The following OSBPL9 variants were observed in gnomAD, a reference collection of about 807,000 sequenced individuals.
OSBPL9 encodes the protein oxysterol-binding protein-related protein 9.
In OSBPL9, 40 loss-of-function variants were observed where a neutral mutation model predicts 106.6. That is an observed-to-expected ratio of 0.38 (90% CI 0.29 to 0.49). The LOEUF is 0.49. Among genes scored for constraint, OSBPL9 ranks in the 20% least tolerant of loss-of-function variants. The probability of loss-of-function intolerance (pLI) is 0.97; values close to 1 mark genes in which losing one functional copy is unlikely to be tolerated. For synonymous variants in OSBPL9, 269 were observed against 295.4 expected, an observed-to-expected ratio of 0.91 and a Z score of 0.92; for missense variants, 609 against 887.2, an observed-to-expected ratio of 0.69 and a Z score of 3.98.
chr1:51,558,623 T>C, the OSBPL9 span, among the ~76,000 whole-genome samples: 1,044 of 152,118 alleles, frequency 6.9e-3, 70 homozygotes, highest in South Asian at 0.15. Context: ...ACCCAACCAA[T>C]TGGCATTCCC....
chr1:51,594,371 C>T (rs545359432), intron 1 of OSBPL9, among the ~76,000 whole-genome samples: 1 of 151,916 alleles, frequency 6.6e-6, no homozygotes, highest in Non-Finnish European at 1.5e-5. Context: ...CATTGCACTC[C>T]AGCCTAGGTG....
Position 51,786,786 on chromosome 1 carries a change from G to C in OSBPL9, c.2000+169G>C, listed in dbSNP as rs867644724. Among the ~76,000 whole-genome samples the C allele has an allele frequency of 7.2e-5, 11 of 152,246 alleles. No homozygotes were observed. The South Asian group carries it at 2.3e-3, about 32-fold the overall frequency. On this transcript the variant is annotated intron_variant, in intron 22 of 23. Transcript: ENST00000428468. Reference sequence around the variant, plus strand: ...TACCACTTACTACCTTTGTGACCATGGATGGCTCAGTCAGCTAACTTCTCT... The same window carrying C: ...TACCACTTACTACCTTTGTGACCATCGATGGCTCAGTCAGCTAACTTCTCT...
chr1:51,666,776 G>A (rs1648614881), intron 2 of OSBPL9, among the ~76,000 whole-genome samples: 1 of 152,180 alleles, frequency 6.6e-6, no homozygotes. Flanking sequence ...GCCAGATTTT[G>A]AACAGCCTTG....
rs1016225744 is a variant in OSBPL9 at position 51,636,333 on chromosome 1, C to T, written c.112-15658C>T. Among the ~76,000 whole-genome samples the T allele has an allele frequency of 4.7e-5, 7 of 149,802 alleles. 1 individual carries two copies. Among genetic ancestry groups the T allele is most frequent in the African/African-American group, 1.5e-4 (6 of 40,766 alleles). On this transcript the variant is annotated intron_variant, in intron 1 of 23. Transcript: ENST00000428468. ...TTGCCACCTCTCCTGGATGCCACTTCATTCTTTTTTTTTTTTTCCCTTTGA... is the reference window on the plus strand; with the variant it reads ...TTGCCACCTCTCCTGGATGCCACTTTATTCTTTTTTTTTTTTTCCCTTTGA...
chr1:51,518,962 G>C, the OSBPL9 span, among the ~76,000 whole-genome samples: 10 of 151,292 alleles, frequency 6.6e-5, no homozygotes, highest in Non-Finnish European at 1.5e-4. Flanking sequence ...GCCGCGCGGG[G>C]CGGGGCAGGA....
At chr1:51,654,777 GA>G (rs1174066416) in intron 2 of OSBPL9, among the ~76,000 whole-genome samples, 1 of 152,048 alleles carries the variant, frequency 6.6e-6, no homozygotes, top group African/African-American at 2.4e-5. Flanking sequence ...CAACATAGAT[GA>G]ACCTTGAGGA....
At chr1:51,737,803 G>A (rs1256652427) in intron 4 of OSBPL9, among the ~76,000 whole-genome samples, 1 of 151,918 alleles carries the variant, frequency 6.6e-6, no homozygotes, top group Non-Finnish European at 1.5e-5. Flanking sequence ...AAGGCAATTT[G>A]CTGGATTCTG....
chr1:51,701,324 T>C (rs1038588535), intron 3 of OSBPL9, among the ~76,000 whole-genome samples: 11 of 152,262 alleles, frequency 7.2e-5, no homozygotes, highest in African/African-American at 2.4e-4. Flanking sequence ...ATTGGACTTG[T>C]GGATATTTAT....
At chr1:51,674,857 A>G (rs1031022449) in intron 3 of OSBPL9, among the ~76,000 whole-genome samples, 1 of 152,202 alleles carries the variant, frequency 6.6e-6, no homozygotes, top group Non-Finnish European at 1.5e-5. Flanking sequence ...TGGAAGAAGA[A>G]TTGTCTTGGG....
At chr1:51,665,015 G>A (rs1024430503) in intron 2 of OSBPL9, among the ~76,000 whole-genome samples, 1 of 152,230 alleles carries the variant, frequency 6.6e-6, no homozygotes, top group Non-Finnish European at 1.5e-5. Context: ...TCACGGCAGT[G>A]TTATCCAACA....
At chr1:51,617,754 C>T (rs966721770) in intron 1 of OSBPL9, among the ~76,000 whole-genome samples, 1 of 152,158 alleles carries the variant, frequency 6.6e-6, no homozygotes, top group Admixed American at 6.5e-5. Context: ...TCCCTCCAGT[C>T]GGTTCAGGTT....
intron 1 of OSBPL9, among the ~76,000 whole-genome samples, chr1:51,647,706 G>T (rs963298367): frequency 6.6e-6 from 1 of 151,708 alleles, no homozygotes; most frequent in African/African-American, 2.4e-5. Flanking sequence ...TTTTGTTTTT[G>T]TAAGATTGGT....
At chr1:51,525,439 A>G in the OSBPL9 span, among the ~76,000 whole-genome samples, 1 of 152,210 alleles carries the variant, frequency 6.6e-6, no homozygotes, top group Admixed American at 6.5e-5. Flanking sequence ...TTTCAGTCAA[A>G]GATTTTCAAA....
chr1:51,737,542 AGG>A lies in OSBPL9; in HGVS notation c.319-7991_319-7990del, dbSNP rs3220202. Among the ~76,000 whole-genome samples the A allele has an allele frequency of 2.1e-3, 213 of 103,070 alleles. 2 individuals carry two copies. The East Asian group carries it at 0.035, about 17-fold the overall frequency. 67.6% of individuals were successfully genotyped at this position (103,070 alleles called of 152,430 possible). A position where few individuals can be genotyped will look rare whatever the true frequency, so the allele number is the denominator to read the frequency against. On this transcript the variant is annotated intron_variant, in intron 4 of 23. Transcript: ENST00000428468. The stretch of plus-strand genomic sequence containing the variant: ...TCTTTTGTTTCATGTGTTATATTTC[AGG>A]GGTGTGTGTGTGTGTGTGTGTGTGT...
chr1:51,639,091 A>C (rs573415502), intron 1 of OSBPL9, among the ~76,000 whole-genome samples: 11 of 152,032 alleles, frequency 7.2e-5, no homozygotes, highest in African/African-American at 2.4e-4. Context: ...CCAGTAAAAA[A>C]CACATATTTT....
chr1:51,651,972 T>A lies in OSBPL9; in HGVS notation c.112-19T>A, dbSNP rs1646544842. The A allele has an allele frequency of 6.3e-7, 1 of 1,595,580 alleles. No individual in the cohort carries two copies. Among genetic ancestry groups the A allele is most frequent in the Non-Finnish European group, 8.6e-7 (1 of 1,167,252 alleles). On this transcript the variant is annotated intron_variant, in intron 1 of 23. Transcript: ENST00000428468. ...GTCTGTTAATGTTTTATTCATTGAA[T>A]GCTTTGTTTTTCTTTTAGTCCAAGG...
the OSBPL9 span, among the ~76,000 whole-genome samples, chr1:51,555,618 A>C: frequency 6.6e-6 from 1 of 151,928 alleles, no homozygotes; most frequent in Non-Finnish European, 1.5e-5. Context: ...CCCAGGCTGG[A>C]GGGCAGTGGC....
At chr1:51,708,553 G>A (rs749687927) in intron 3 of OSBPL9, among the ~76,000 whole-genome samples, 11 of 152,078 alleles carry the variant, frequency 7.2e-5, no homozygotes, top group Admixed American at 2.0e-4. Context: ...GTGATGTAAC[G>A]TGTCACTTGT....
intron 20 of OSBPL9, 132 bp downstream of exon 20, chr1:51,784,714 G>A (rs1677195192): frequency 3.6e-6 from 4 of 1,099,790 alleles, no homozygotes; most frequent in Admixed American, 2.6e-5. Context: ...CATTTTATGT[G>A]TCATGTCTTT....
Sources: gnomAD v4.1 joint callset for allele counts (sites outside exome capture counted in the v4.1 genomes callset) on GRCh38, gnomAD v4.1.1 for gene constraint, MANE v1.5 for transcripts, NCBI Gene and HGNC (gene_info 2026-07-23, HGNC 2026-07-21) for gene names.